The following ZSWIM6 variants were observed in gnomAD, a reference collection of about 807,000 sequenced individuals.
ZSWIM6 encodes zinc finger SWIM-type containing 6, also known as zinc finger SWIM domain-containing protein 6.
ZSWIM6 carries 9 observed loss-of-function variants against 113.2 expected under a neutral mutation model. The ratio of observed to expected loss-of-function variants is 0.08; its 90% CI spans 0.05 to 0.14. ZSWIM6 has a LOEUF of 0.14. Ranked by LOEUF, ZSWIM6 falls within the 10% of genes least tolerant of loss-of-function variation. The pLI is 1.00. For synonymous variants in ZSWIM6, 611 were observed against 606.5 expected, an observed-to-expected ratio of 1.01 and a Z score of -0.11; for missense variants, 1,162 against 1,552.2, an observed-to-expected ratio of 0.75 and a Z score of 4.22.
At chr5:61,396,529 CAAA>C (rs60743291) in intron 1 of ZSWIM6, among the ~76,000 whole-genome samples, 13 of 69,758 alleles carry the variant, frequency 1.9e-4, no homozygotes, top group Non-Finnish European at 2.0e-4. Context: ...GACTCTGTCT[CAAA>C]AAAAAAAAAA....
intron 4 of ZSWIM6, among the ~76,000 whole-genome samples, chr5:61,499,375 G>C (rs757933017): frequency 5.9e-5 from 9 of 152,116 alleles, no homozygotes; most frequent in Admixed American, 1.3e-4. Flanking sequence ...CTATCAGTGT[G>C]TATGAAGCAC....
intron 1 of ZSWIM6, among the ~76,000 whole-genome samples, chr5:61,380,599 G>A (rs2112079857): frequency 6.6e-6 from 1 of 152,274 alleles, no homozygotes; most frequent in South Asian, 2.1e-4. Flanking sequence ...AAGTCAGGAG[G>A]TGTAGGTGTA....
chr5:61,515,854 G>C (rs570411486), intron 4 of ZSWIM6, among the ~76,000 whole-genome samples: 2 of 152,026 alleles, frequency 1.3e-5, no homozygotes, highest in African/African-American at 4.8e-5. Flanking sequence ...AGGTGCAGCC[G>C]AGTCATCTGG....
At chr5:61,509,475 C>A (rs1748719689) in intron 4 of ZSWIM6, among the ~76,000 whole-genome samples, 1 of 151,972 alleles carries the variant, frequency 6.6e-6, no homozygotes, top group African/African-American at 2.4e-5. Context: ...GTTCAGTAAC[C>A]CTGTTGGGTT....
intron 1 of ZSWIM6, among the ~76,000 whole-genome samples, chr5:61,413,416 C>G (rs1024122428): frequency 6.6e-5 from 10 of 152,108 alleles, no homozygotes; most frequent in African/African-American, 2.4e-4. Flanking sequence ...TTAATCCAGT[C>G]TATCATTGTT....
intron 3 of ZSWIM6, 56 bp from the exon 4 acceptor site, chr5:61,494,204 G>T: frequency 6.5e-7 from 1 of 1,529,184 alleles, no homozygotes; most frequent in Non-Finnish European, 8.8e-7. Context: ...TTGCTGTGGG[G>T]TTTTGTTGTG....
chr5:61,452,474 A>T (rs985525883), intron 1 of ZSWIM6, among the ~76,000 whole-genome samples: 5 of 152,180 alleles, frequency 3.3e-5, no homozygotes, highest in African/African-American at 1.2e-4. Flanking sequence ...ATCATTAAAT[A>T]AAAATATTAG....
intron 1 of ZSWIM6, among the ~76,000 whole-genome samples, chr5:61,468,679 A>G (rs1381056022): frequency 1.3e-5 from 2 of 152,102 alleles, no homozygotes; most frequent in Non-Finnish European, 2.9e-5. Context: ...CAGCAGGGGG[A>G]TGTTTTACAG....
intron 1 of ZSWIM6, among the ~76,000 whole-genome samples, chr5:61,378,711 A>G (rs887164073): frequency 6.6e-6 from 1 of 152,072 alleles, no homozygotes; most frequent in Non-Finnish European, 1.5e-5. Flanking sequence ...ATGCGCCACC[A>G]CGCCTGGCTA....
At chr5:61,525,684 G>A in intron 5 of ZSWIM6, 116 bp from the exon 6 acceptor site, 2 of 1,206,148 alleles carry the variant, frequency 1.7e-6, no homozygotes, top group Non-Finnish European at 2.3e-6. Flanking sequence ...CTGCTTAGGG[G>A]GTGCAGGACA....
intron 4 of ZSWIM6, among the ~76,000 whole-genome samples, chr5:61,512,596 G>A (rs1748819502): frequency 6.6e-6 from 1 of 152,092 alleles, no homozygotes; most frequent in Non-Finnish European, 1.5e-5. Flanking sequence ...CAATTTATGA[G>A]CATTCCAGTT....
Position 61,543,787 on chromosome 5 carries a change from C to T in ZSWIM6, c.3118C>T (p.Arg1040Cys), listed in dbSNP as rs774957716. The change falls in exon 14 of 14, where the codon CGC becomes TGC. Residue 1040 changes from arginine to cysteine, a missense_variant. By Grantham distance (180) the Arg-to-Cys change is radical. Around this residue, in one of 4 missense-constraint regions of ZSWIM6, gnomAD observed 620 missense variants for 804.6 expected, o/e 0.77. Transcript: ENST00000252744. This position sits in a 1 kb window ranked among gnomAD's most constrained non-coding sequence, Gnocchi z 4.3. ...TACAATAGCACGGTACATGGAGCACCGCGGGTACCCCATGAGGGCCTACAA... is the reference window on the plus strand; with the variant it reads ...TACAATAGCACGGTACATGGAGCACTGCGGGTACCCCATGAGGGCCTACAA... ...LFTIARYMEH[R>C]GYPMRAYKLA... The T allele has an allele frequency of 3.9e-5, 60 of 1,551,824 alleles. No individual in the cohort carries two copies. Among genetic ancestry groups the T allele is most frequent in the South Asian group, 4.8e-5 (4 of 84,052 alleles).
intron 4 of ZSWIM6, among the ~76,000 whole-genome samples, chr5:61,497,613 A>G (rs146777672): frequency 1.3e-4 from 20 of 152,316 alleles, no homozygotes; most frequent in African/African-American, 4.6e-4. Context: ...TCTCATTTAC[A>G]GATACATTTA....
intron 1 of ZSWIM6, among the ~76,000 whole-genome samples, chr5:61,397,208 G>T (rs142806457): frequency 3.9e-5 from 6 of 152,084 alleles, no homozygotes; most frequent in African/African-American, 1.4e-4. Context: ...CTTCCTGTCC[G>T]CCAAAAACAT....
intron 7 of ZSWIM6, among the ~76,000 whole-genome samples, chr5:61,527,621 A>C (rs765404893): frequency 6.6e-6 from 1 of 152,146 alleles, no homozygotes; most frequent in African/African-American, 2.4e-5. Flanking sequence ...TACTTTGGAA[A>C]ATTTTTCTGA....
intron 2 of ZSWIM6, among the ~76,000 whole-genome samples, chr5:61,475,273 G>A (rs1329013300): frequency 2.0e-5 from 3 of 152,066 alleles, no homozygotes; most frequent in Non-Finnish European, 2.9e-5. Context: ...TAGTAAAACC[G>A]AAAGCCTCCA....
chr5:61,371,237 A>T (rs1458147261), intron 1 of ZSWIM6, among the ~76,000 whole-genome samples: 1 of 151,954 alleles, frequency 6.6e-6, no homozygotes, highest in Non-Finnish European at 1.5e-5. Flanking sequence ...TTACCTCCTT[A>T]CTCCACCTAG....
chr5:61,384,316 T>G (rs2112084432), intron 1 of ZSWIM6, among the ~76,000 whole-genome samples: 1 of 152,200 alleles, frequency 6.6e-6, no homozygotes, highest in South Asian at 2.1e-4. Context: ...CTAAGAATTC[T>G]GCCAGATAAA....
intron 1 of ZSWIM6, among the ~76,000 whole-genome samples, chr5:61,439,887 G>A (rs1010840413): frequency 6.6e-5 from 10 of 152,040 alleles, no homozygotes; most frequent in Non-Finnish European, 1.0e-4. Context: ...ATGGAATTTG[G>A]TTTTCTCATG....
Sources: allele counts gnomAD v4.1 joint callset (sites outside exome capture counted in the v4.1 genomes callset), GRCh38; gene constraint gnomAD v4.1.1; regional missense constraint gnomAD v4.1.1; non-coding constraint Gnocchi (gnomAD v3.1); transcripts MANE v1.5; gene names NCBI Gene and HGNC (gene_info 2026-07-23, HGNC 2026-07-21).